The following AIG1 variants were observed in gnomAD, a reference collection of about 807,000 sequenced individuals.
AIG1 encodes androgen-induced gene 1 protein.
Under a neutral mutation model 31.4 loss-of-function variants are expected in AIG1, and 23 were observed. The ratio of observed to expected loss-of-function variants is 0.73; its 90% CI spans 0.53 to 1.04. AIG1 has a LOEUF of 1.04. Ranked by LOEUF, AIG1 falls within the 50% of genes least tolerant of loss-of-function variation. The pLI is 0.00. For missense variants in AIG1, 274 were observed against 295.0 expected (o/e 0.93, Z 0.52); for synonymous variants, 100 against 110.5 (o/e 0.90, Z 0.60).
chr6:143,107,261 AAAG>A (rs1780886006), intron 1 of AIG1, among the ~76,000 whole-genome samples: 1 of 152,236 alleles, frequency 6.6e-6, no homozygotes, highest in African/African-American at 2.4e-5. Flanking sequence ...CTTGAGAAGA[AAAG>A]AAATTACTTA....
intron 3 of AIG1, among the ~76,000 whole-genome samples, chr6:143,247,155 C>T (rs1266533101): frequency 1.3e-5 from 2 of 151,574 alleles, no homozygotes; most frequent in Non-Finnish European, 2.9e-5. Context: ...TTTTTTTAGA[C>T]AGCATCTCAC....
At chr6:143,254,515 A>T (rs1337092713) in intron 3 of AIG1, among the ~76,000 whole-genome samples, 1 of 152,086 alleles carries the variant, frequency 6.6e-6, no homozygotes, top group Non-Finnish European at 1.5e-5. Flanking sequence ...CCGAAGCATG[A>T]ACTTCTTTTT....
At chr6:143,190,118 G>A in intron 3 of AIG1, 1 of 937,030 alleles carries the variant, frequency 1.1e-6, no homozygotes, top group Non-Finnish European at 1.3e-6. Flanking sequence ...ATCTCCTAAT[G>A]CTATAACCTT....
intron 3 of AIG1, among the ~76,000 whole-genome samples, chr6:143,206,968 T>C (rs1791157689): frequency 6.6e-6 from 1 of 152,168 alleles, no homozygotes; most frequent in African/African-American, 2.4e-5. Flanking sequence ...TGCCTTTAGA[T>C]CTGGACATTT....
chr6:143,256,414 A>G lies in AIG1; in HGVS notation c.400-27696A>G, dbSNP rs1229829022. Among the ~76,000 whole-genome samples, 1 of 152,234 alleles carries G rather than the reference A, an allele frequency of 6.6e-6. No homozygotes were observed. The highest frequency in any genetic ancestry group is 1.5e-5 in the Non-Finnish European group (1 of 68,030). ...ATATCATAGGCTGGTTTCTGGGGCT[A>G]CAACTTTTACTGTACATTATGCTAC... On this transcript the variant is annotated intron_variant, in intron 3 of 5. Coordinates refer to ENST00000357847, the MANE Select transcript of AIG1 (RefSeq NM_016108.4). The surrounding 1 kb of genome is among the most constrained non-coding windows in gnomAD (Gnocchi z 4.6).
intron 2 of AIG1, among the ~76,000 whole-genome samples, chr6:143,152,579 G>T (rs1484907266): frequency 6.6e-6 from 1 of 152,170 alleles, no homozygotes; most frequent in Non-Finnish European, 1.5e-5. Flanking sequence ...GACAGAGCGT[G>T]AAAGAAGCCT....
At chr6:143,149,635 G>T (rs375799376) in intron 2 of AIG1, among the ~76,000 whole-genome samples, 2 of 149,722 alleles carry the variant, frequency 1.3e-5, no homozygotes, top group African/African-American at 4.9e-5. Context: ...CTTAACAAAA[G>T]ACTATATTCA....
intron 1 of AIG1, among the ~76,000 whole-genome samples, chr6:143,097,024 G>C (rs1031543664): frequency 6.6e-6 from 1 of 151,864 alleles, no homozygotes; most frequent in Non-Finnish European, 1.5e-5. Context: ...ACCAATATCT[G>C]GTTACCACAG....
intron 2 of AIG1, among the ~76,000 whole-genome samples, chr6:143,160,450 G>T (rs1256667844): frequency 2.6e-5 from 4 of 152,158 alleles, no homozygotes; most frequent in Admixed American, 2.0e-4. Flanking sequence ...TCAGTGACTA[G>T]CTGTCACTCA....
chr6:143,153,425 G>T (rs909065274), intron 2 of AIG1, among the ~76,000 whole-genome samples: 1 of 152,130 alleles, frequency 6.6e-6, no homozygotes, highest in Non-Finnish European at 1.5e-5. Flanking sequence ...TCAGCTCACT[G>T]CAAGCTCCAC....
chr6:143,180,764 A>G (rs1406056422), intron 3 of AIG1, among the ~76,000 whole-genome samples: 1 of 152,222 alleles, frequency 6.6e-6, no homozygotes, highest in Admixed American at 6.5e-5. Context: ...TTCATTTCCC[A>G]TGTAATTTAT....
chr6:143,171,524 ATTTAATATATATATTATATAT>A (rs1562454679), intron 3 of AIG1, among the ~76,000 whole-genome samples: 2 of 129,680 alleles, frequency 1.5e-5, no homozygotes, highest in African/African-American at 5.8e-5. Flanking sequence ...TAATATATAT[ATTTAATATATATATTATATAT>A]ATATAAAATC....
At position 143,256,081 on chromosome 6, in the gene AIG1, T is replaced by G. The variant is rs1294398112; in HGVS notation, c.400-28029T>G. ...AGGTGCTTGAGCAAATATATAAAACTTTATAAATCAAATTTCTGAGCTAGA... is the reference window on the plus strand; with the variant it reads ...AGGTGCTTGAGCAAATATATAAAACGTTATAAATCAAATTTCTGAGCTAGA... On this transcript the variant is annotated intron_variant, in intron 3 of 5. Transcript: ENST00000357847. This position sits in a 1 kb window ranked among gnomAD's most constrained non-coding sequence, Gnocchi z 4.6. Among the ~76,000 whole-genome samples, 2 of 152,186 alleles carry G rather than the reference T, an allele frequency of 1.3e-5. No homozygotes were observed. The highest frequency in any genetic ancestry group is 2.9e-5 in the Non-Finnish European group (2 of 68,028).
chr6:143,207,326 A>C (rs1791192287), intron 3 of AIG1, among the ~76,000 whole-genome samples: 1 of 152,170 alleles, frequency 6.6e-6, no homozygotes, highest in Non-Finnish European at 1.5e-5. Flanking sequence ...TTTTAGTTTT[A>C]GAATTTTCCT....
At chr6:143,246,194 C>G (rs938348779) in intron 3 of AIG1, among the ~76,000 whole-genome samples, 1 of 152,008 alleles carries the variant, frequency 6.6e-6, no homozygotes, top group Non-Finnish European at 1.5e-5. Flanking sequence ...ATTCAGTTTC[C>G]TCTTACAGTT....
chr6:143,068,201 T>C lies in AIG1; in HGVS notation c.141+7135T>C, dbSNP rs187284335. 2.0e-3 allele frequency among the ~76,000 whole-genome samples: 309 copies of C among 152,204 alleles called. 4 individuals carry two copies. Among genetic ancestry groups the C allele is most frequent in the Non-Finnish European group, 2.7e-3 (183 of 68,018 alleles). On this transcript the variant is annotated intron_variant, in intron 1 of 5. Coordinates refer to ENST00000357847, the MANE Select transcript of AIG1 (RefSeq NM_016108.4). ...TATAACATTTGGCAAAATTGGTAAC[T>C]GCTCTTGAGGGTTTTCATTTGTTTC...
At chr6:143,110,199 A>T (rs186004990) in intron 1 of AIG1, among the ~76,000 whole-genome samples, 1 of 152,250 alleles carries the variant, frequency 6.6e-6, no homozygotes, top group East Asian at 1.9e-4. Context: ...CTATCCTTGC[A>T]CTGATACCAT....
rs1797547262 is a variant in AIG1 at position 143,284,312 on chromosome 6, C to A, written c.515+87C>A. On this transcript the variant is annotated intron_variant, in intron 4 of 5. Transcript: ENST00000357847. This position sits in a 1 kb window ranked among gnomAD's most constrained non-coding sequence, Gnocchi z 4.4. The stretch of plus-strand genomic sequence containing the variant: ...ACATATTTCATTATGGATATAATCA[C>A]TAACAGATTCACGCTGTGTGCCGCA... 8.5e-6 allele frequency: 8 copies of A among 941,022 alleles called. No homozygotes were observed. Among genetic ancestry groups the A allele is most frequent in the Non-Finnish European group, 1.3e-5 (8 of 602,556 alleles). The allele number at this position is 941,022 out of a possible 1,614,324, so 58.3% of individuals were successfully genotyped here. A position where few individuals can be genotyped will look rare whatever the true frequency, so the allele number is the denominator to read the frequency against.
rs117656313 is a variant in AIG1 at position 143,150,600 on chromosome 6, G to T, written c.297+13610G>T. ...GGCTGTGGCAGCTGGTTCTTTCTCT[G>T]CCTCTGTCCTATCGCAAGAAAATGC... On this transcript the variant is annotated intron_variant, in intron 2 of 5. Transcript: ENST00000357847. 2.9e-3 allele frequency among the ~76,000 whole-genome samples: 437 copies of T among 152,242 alleles called. 13 individuals are homozygous for T. The East Asian group carries it at 0.053, about 19-fold the overall frequency.
Sources: allele counts gnomAD v4.1 joint callset (sites outside exome capture counted in the v4.1 genomes callset), GRCh38; gene constraint gnomAD v4.1.1; non-coding constraint Gnocchi (gnomAD v3.1); transcripts MANE v1.5; gene names NCBI Gene and HGNC (gene_info 2026-07-23, HGNC 2026-07-21).